Variants in PTPN11 observed in about 807,000 individuals in gnomAD.
PTPN11 encodes the protein protein tyrosine phosphatase non-receptor type 11.
PTPN11 carries 6 observed loss-of-function variants against 78.8 expected under a neutral mutation model. That is an observed-to-expected ratio of 0.08 (90% CI 0.04 to 0.15). The LOEUF (loss-of-function observed/expected upper bound fraction) is 0.15, where lower values mean the gene tolerates loss of function less well. Ranked by LOEUF, PTPN11 falls within the 10% of genes least tolerant of loss-of-function variation. PTPN11 has a pLI of 1.00. For synonymous variants in PTPN11, 221 were observed against 263.5 expected (o/e 0.84, Z 1.56); for missense variants, 386 against 744.8 (o/e 0.52, Z 5.61).
At chr12:112,492,663 G>A (rs1293447021) in intron 13 of PTPN11, among the ~76,000 whole-genome samples, 2 of 151,774 alleles carry the variant, frequency 1.3e-5, no homozygotes, top group South Asian at 2.1e-4. Flanking sequence ...GACTACAGGC[G>A]CCCGCCATCA....
rs2038937565 is a variant in PTPN11, at chr12:112,506,503, G to A, written c.*711G>A. 2.0e-5 allele frequency: 3 copies of A among 152,030 alleles called. No individual in the cohort carries two copies. Among genetic ancestry groups the A allele is most frequent in the Admixed American group, 1.3e-4 (2 of 15,250 alleles). 9.4% of individuals were successfully genotyped at this position (152,030 alleles called of 1,614,324 possible). ...TCGGCTGTTGACTGAGAAGTTTGTG[G>A]TGGGAAAACGTTTGCCATATTTTCT... On this transcript the variant is annotated 3_prime_UTR_variant, in exon 16 of 16. Transcript: ENST00000351677.
chr12:112,481,974 G>T, intron 9 of PTPN11, 100 bp from the exon 10 acceptor site: 1 of 1,283,100 alleles, frequency 7.8e-7, no homozygotes, highest in Non-Finnish European at 1.1e-6. Flanking sequence ...TTTCCATGTT[G>T]GTGGTTATTA....
At chr12:112,436,152 C>T (rs1157078019) in intron 1 of PTPN11, among the ~76,000 whole-genome samples, 5 of 152,120 alleles carry the variant, frequency 3.3e-5, no homozygotes, top group South Asian at 4.2e-4. Flanking sequence ...GTACCAATAT[C>T]GGGCTAAGTA....
intron 1 of PTPN11, among the ~76,000 whole-genome samples, chr12:112,427,417 G>C (rs1366007590): frequency 1.3e-5 from 2 of 149,822 alleles, no homozygotes; most frequent in African/African-American, 4.9e-5. Context: ...CTGGTGGTGG[G>C]TGCCTGTAGT....
At chr12:112,470,096 A>AT (rs969737079) in intron 6 of PTPN11, among the ~76,000 whole-genome samples, 39 of 152,114 alleles carry the variant, frequency 2.6e-4, no homozygotes, top group African/African-American at 8.7e-4. Flanking sequence ...TAATCTTTAA[A>AT]TTTTTTGTAG....
intron 12 of PTPN11, 133 bp from the exon 13 acceptor site, chr12:112,488,891 C>T (rs151180640): frequency 1.5e-5 from 19 of 1,267,572 alleles, no homozygotes; most frequent in Non-Finnish European, 1.6e-5. Context: ...ACACTGTAGC[C>T]ATTGCAACAT....
intron 6 of PTPN11, among the ~76,000 whole-genome samples, chr12:112,469,460 A>AT (rs2038379982): frequency 6.6e-6 from 1 of 151,750 alleles, no homozygotes; most frequent in Non-Finnish European, 1.5e-5. Context: ...TACCTTCTAT[A>AT]TACAGCAAAA....
intron 3 of PTPN11, among the ~76,000 whole-genome samples, chr12:112,452,327 A>G (rs2135865355): frequency 6.6e-6 from 1 of 152,146 alleles, no homozygotes; most frequent in Admixed American, 6.5e-5. Context: ...CCCAGGTTCA[A>G]GTGATTCTCC....
chr12:112,479,577 G>A (rs527969878), intron 9 of PTPN11, among the ~76,000 whole-genome samples: 5 of 152,320 alleles, frequency 3.3e-5, no homozygotes, highest in Admixed American at 3.3e-4. Context: ...GTAACATTAG[G>A]TGTTCTTGAA....
intron 10 of PTPN11, among the ~76,000 whole-genome samples, chr12:112,483,485 C>T (rs901156219): frequency 1.3e-5 from 2 of 152,348 alleles, no homozygotes; most frequent in Non-Finnish European, 1.5e-5. Flanking sequence ...TGAGCCAGCG[C>T]ACCCGGCCAA....
rs1175028116 is a variant in PTPN11, at chr12:112,482,560, A to T, written c.1224+355A>T. Among the ~76,000 whole-genome samples, 1 of 152,120 alleles carries T rather than the reference A, an allele frequency of 6.6e-6. No homozygotes were observed. The highest frequency in any genetic ancestry group is 6.6e-5 in the Admixed American group (1 of 15,260). On this transcript the variant is annotated intron_variant, in intron 10 of 15. Coordinates refer to ENST00000351677, the MANE Select transcript of PTPN11 (RefSeq NM_002834.5). The surrounding 1 kb of genome is among the most constrained non-coding windows in gnomAD (Gnocchi z 4.4). Reference sequence around the variant, plus strand: ...GACCAGCCCTGGGTGGGAGACTGGGATAGGGTGACCTGAGTGGCTACAAGG... The same window carrying T: ...GACCAGCCCTGGGTGGGAGACTGGGTTAGGGTGACCTGAGTGGCTACAAGG...
chr12:112,421,865 C>T (rs1344456377), intron 1 of PTPN11, among the ~76,000 whole-genome samples: 3 of 152,114 alleles, frequency 2.0e-5, no homozygotes, highest in Non-Finnish European at 4.4e-5. Context: ...CGGGCTCAAG[C>T]GATCTTCCTG....
chr12:112,495,914 T>A (rs2038808255), intron 13 of PTPN11, among the ~76,000 whole-genome samples: 1 of 152,166 alleles, frequency 6.6e-6, no homozygotes, highest in Non-Finnish European at 1.5e-5. Flanking sequence ...CAAACCATCA[T>A]GAAGTTGGGG....
chr12:112,448,304 G>A (rs1022375676), intron 2 of PTPN11, among the ~76,000 whole-genome samples: 1 of 151,182 alleles, frequency 6.6e-6, no homozygotes, highest in Non-Finnish European at 1.5e-5. Flanking sequence ...TCCACCTCCT[G>A]GGTTCAAGTG....
intron 7 of PTPN11, among the ~76,000 whole-genome samples, chr12:112,475,787 A>G (rs2038492218): frequency 6.6e-6 from 1 of 152,216 alleles, no homozygotes; most frequent in African/African-American, 2.4e-5. Context: ...ATGTACATAT[A>G]CATGGTATAT....
rs2038908564 is a variant in PTPN11, at chr12:112,504,232, G to T, written c.1713-463G>T. Among the ~76,000 whole-genome samples, 1 of 152,142 alleles carries T rather than the reference G, an allele frequency of 6.6e-6. No homozygotes were observed. The highest frequency in any genetic ancestry group is 1.5e-5 in the Non-Finnish European group (1 of 68,032). Reference sequence around the variant, plus strand: ...TTTTTTTGAGATGGAGTCTCGCTCTGTCGCCCAGGCTGGAGTGCAGTGGCA... The same window carrying T: ...TTTTTTTGAGATGGAGTCTCGCTCTTTCGCCCAGGCTGGAGTGCAGTGGCA... On this transcript the variant is annotated intron_variant, in intron 14 of 15. Transcript: ENST00000351677. This position sits in a 1 kb window ranked among gnomAD's most constrained non-coding sequence, Gnocchi z 4.7.
At chr12:112,450,590 A>C (rs1592826723) in intron 3 of PTPN11, 78 bp downstream of exon 3, 2 of 1,380,232 alleles carry the variant, frequency 1.4e-6, no homozygotes, top group Middle Eastern at 1.8e-4. Flanking sequence ...CGGTCTGTGT[A>C]TGACTCTCTG....
chr12:112,439,704 AGGT>A (rs1334131188), intron 1 of PTPN11, among the ~76,000 whole-genome samples: 3 of 151,522 alleles, frequency 2.0e-5, no homozygotes, highest in South Asian at 4.2e-4. Flanking sequence ...TCCTGACCTC[AGGT>A]GATCTACCTG....
intron 3 of PTPN11, 49 bp from the exon 4 acceptor site, chr12:112,453,146 A>T (rs560184236): frequency 2.0e-6 from 3 of 1,510,106 alleles, no homozygotes; most frequent in South Asian, 2.3e-5. Context: ...AAAGAACAAC[A>T]TGAACCCATA....
Sources: gnomAD v4.1 joint callset for allele counts (sites outside exome capture counted in the v4.1 genomes callset) on GRCh38, gnomAD v4.1.1 for gene constraint, Gnocchi (gnomAD v3.1) non-coding constraint, MANE v1.5 for transcripts, NCBI Gene and HGNC (gene_info 2026-07-23, HGNC 2026-07-21) for gene names.